ASB4: variants seen among roughly 807,000 people sequenced by gnomAD.
ASB4 encodes the protein ankyrin repeat and SOCS box containing 4.
ASB4 carries 35 observed loss-of-function variants against 38.6 expected under a neutral mutation model. The observed-to-expected ratio is 0.91, with a 90% confidence interval of 0.69 to 1.20. ASB4 has a LOEUF of 1.20. Ranked by LOEUF, ASB4 falls within the 50% of genes most tolerant of loss-of-function variation. The pLI is 0.00. For synonymous variants in ASB4, 195 were observed against 201.3 expected (o/e 0.97, Z 0.26); for missense variants, 557 against 527.2 (o/e 1.06, Z -0.55).
At chr7:95,474,691 T>TA (rs947876270), upstream of ASB4, among the ~76,000 whole-genome samples, 3 of 151,780 alleles carry the variant, frequency 2.0e-5, no homozygotes, top group East Asian at 1.9e-4. Context: ...CAGGCTAATT[T>TA]AAAAAAAAAT....
intron 2 of ASB4, among the ~76,000 whole-genome samples, chr7:95,524,141 C>A (rs1010370535): frequency 2.0e-5 from 3 of 152,094 alleles, no homozygotes; most frequent in Non-Finnish European, 4.4e-5. Context: ...GATGTAGAGC[C>A]CAGAGAAATC....
chr7:95,513,322 TG>T (rs1266756650), intron 2 of ASB4, among the ~76,000 whole-genome samples: 1 of 144,766 alleles, frequency 6.9e-6, no homozygotes, highest in Non-Finnish European at 1.5e-5. Context: ...TGTGTGTGTG[TG>T]TGTGTGTGTT....
At chr7:95,522,953 C>T (rs1790683938) in intron 2 of ASB4, among the ~76,000 whole-genome samples, 1 of 152,056 alleles carries the variant, frequency 6.6e-6, no homozygotes. Context: ...TCACTTTACC[C>T]CAGAAACAAT....
intron 2 of ASB4, among the ~76,000 whole-genome samples, chr7:95,510,871 T>C (rs1562815625): frequency 6.6e-6 from 1 of 152,206 alleles, no homozygotes; most frequent in Non-Finnish European, 1.5e-5. Flanking sequence ...TCCTTAGGCC[T>C]GTACTTCTTT....
At chr7:95,542,493 C>T (rs118050768), downstream of ASB4, 5,545 of 152,246 alleles carry the variant, frequency 0.036, 154 homozygotes, top group South Asian at 0.079. Context: ...TGCCATGGCA[C>T]GATCTCGGCT....
At chr7:95,480,946 A>C (rs970354767), upstream of ASB4, among the ~76,000 whole-genome samples, 1 of 152,214 alleles carries the variant, frequency 6.6e-6, no homozygotes, top group African/African-American at 2.4e-5. Context: ...GTGATCAAAT[A>C]GAATATCTAA....
At chr7:95,541,399 A>G (rs1325228915), downstream of ASB4, among the ~76,000 whole-genome samples, 2 of 152,198 alleles carry the variant, frequency 1.3e-5, no homozygotes, top group Non-Finnish European at 2.9e-5. Flanking sequence ...ATAGGCTCCC[A>G]CCAGTGGAGT....
At chr7:95,525,741 CG>C (rs1450147587) in intron 2 of ASB4, among the ~76,000 whole-genome samples, 2 of 152,148 alleles carry the variant, frequency 1.3e-5, no homozygotes, top group African/African-American at 4.8e-5. Context: ...AGAGCAAAGA[CG>C]AGCTGACCTG....
At chr7:95,474,903 G>A (rs1789961330), upstream of ASB4, among the ~76,000 whole-genome samples, 1 of 152,152 alleles carries the variant, frequency 6.6e-6, no homozygotes. Context: ...TGTAGTTAAG[G>A]TAAAAATTAT....
At chr7:95,476,754 C>T (rs1036970976), upstream of ASB4, among the ~76,000 whole-genome samples, 6 of 152,180 alleles carry the variant, frequency 3.9e-5, no homozygotes, top group African/African-American at 1.4e-4. Context: ...TGCTTTCCCA[C>T]ACCCAAAGAC....
At chr7:95,482,287 A>G (rs1790027201), upstream of ASB4, among the ~76,000 whole-genome samples, 1 of 152,224 alleles carries the variant, frequency 6.6e-6, no homozygotes, top group African/African-American at 2.4e-5. Context: ...TTATATAGCT[A>G]TGGGACAAGA....
intron 2 of ASB4, among the ~76,000 whole-genome samples, chr7:95,520,632 C>A (rs1233208909): frequency 6.8e-6 from 1 of 147,522 alleles, no homozygotes; most frequent in Non-Finnish European, 1.5e-5. Flanking sequence ...AACACACACT[C>A]CCACTCCCCA....
chr7:95,484,387 A>G (rs953966799), upstream of ASB4, among the ~76,000 whole-genome samples: 1 of 152,202 alleles, frequency 6.6e-6, no homozygotes, highest in Non-Finnish European at 1.5e-5. Flanking sequence ...ATTTATTGTT[A>G]TCTCTTTGAG....
At chr7:95,534,708 A>G (rs1374737480) in intron 3 of ASB4, among the ~76,000 whole-genome samples, 1 of 152,248 alleles carries the variant, frequency 6.6e-6, no homozygotes, top group East Asian at 1.9e-4. Flanking sequence ...ACTGACTTAT[A>G]TTGCTCTCTA....
chr7:95,515,312 T>TTCCTTC lies in ASB4; in HGVS notation c.488-12501_488-12500insTCCTTC, dbSNP rs1554349285. Among the ~76,000 whole-genome samples the TTCCTTC allele has an allele frequency of 7.4e-4, 75 of 100,732 alleles. 1 individual carries two copies. The highest frequency in any genetic ancestry group is 3.9e-3 in the East Asian group (10 of 2,554). 66.1% of individuals were successfully genotyped at this position (100,732 alleles called of 152,430 possible). A position where few individuals can be genotyped will look rare whatever the true frequency, so the allele number is the denominator to read the frequency against. On this transcript the variant is annotated intron_variant, in intron 2 of 4. Transcript: ENST00000325885. ...TTCTTTCTTTCTTTCTTTCTTTCTT[T>TTCCTTC]CTTTCTTCCTTCCTTCCTTCCTTTC... is the stretch of plus-strand genomic sequence containing the variant.
chr7:95,546,437 G>A, the ASB4 span, among the ~76,000 whole-genome samples: 6 of 151,646 alleles, frequency 4.0e-5, no homozygotes, highest in East Asian at 1.9e-4. Flanking sequence ...TTTTTTCTGC[G>A]TTGGAGCAAG....
At chr7:95,542,051 A>C (rs1205509018), downstream of ASB4, 1 of 151,860 alleles carries the variant, frequency 6.6e-6, no homozygotes, top group Non-Finnish European at 1.5e-5. Context: ...TGGGCAACAG[A>C]GTGAGACCTT....
chr7:95,515,187 T>C (rs569263668), intron 2 of ASB4, among the ~76,000 whole-genome samples: 2 of 121,872 alleles, frequency 1.6e-5, no homozygotes, highest in Admixed American at 8.0e-5. Flanking sequence ...CTTTCTTTCT[T>C]TCTTTCTTTC....
At chr7:95,527,712 G>A (rs1040675387) in intron 2 of ASB4, 101 bp from the exon 3 acceptor site, 8 of 1,159,972 alleles carry the variant, frequency 6.9e-6, no homozygotes, top group Non-Finnish European at 8.4e-6. Flanking sequence ...ACGGCAGTCA[G>A]AAGTTAAAAG....
Sources: allele counts gnomAD v4.1 joint callset (sites outside exome capture counted in the v4.1 genomes callset), GRCh38; gene constraint gnomAD v4.1.1; transcripts MANE v1.5; gene names NCBI Gene and HGNC (gene_info 2026-07-23, HGNC 2026-07-21).